Variants in DGKI observed in about 807,000 individuals in gnomAD.
DGKI encodes the protein DAG kinase iota.
Under a neutral mutation model 147.5 loss-of-function variants are expected in DGKI, and 55 were observed. The ratio of observed to expected loss-of-function variants is 0.37; its 90% CI spans 0.30 to 0.47. DGKI has a LOEUF of 0.47. DGKI is among the 20% of genes least tolerant of loss of function. The probability of loss-of-function intolerance (pLI) is 1.00; values close to 1 mark genes in which losing one functional copy is unlikely to be tolerated. For synonymous variants in DGKI, 469 were observed against 477.1 expected (o/e 0.98, Z 0.22); for missense variants, 1,007 against 1,323.8 (o/e 0.76, Z 3.71).
intron 30 of DGKI, among the ~76,000 whole-genome samples, chr7:137,401,090 G>C (rs1811740733): frequency 1.3e-5 from 2 of 152,156 alleles, no homozygotes; most frequent in Non-Finnish European, 2.9e-5. Flanking sequence ...CTGCCCAATG[G>C]GGAGCTATGC....
At chr7:137,701,416 C>A (rs1823980271) in intron 1 of DGKI, among the ~76,000 whole-genome samples, 1 of 152,024 alleles carries the variant, frequency 6.6e-6, no homozygotes, top group Admixed American at 6.6e-5. Flanking sequence ...GTAAAATTAT[C>A]TTCATTTGCA....
At chr7:137,689,867 T>G (rs988461178) in intron 2 of DGKI, 27 bp downstream of exon 2, 1 of 1,413,540 alleles carries the variant, frequency 7.1e-7, no homozygotes. Flanking sequence ...ACTGAAGTGA[T>G]GTTTAAATGA....
chr7:137,682,050 T>A (rs935446662), intron 2 of DGKI, among the ~76,000 whole-genome samples: 5 of 152,214 alleles, frequency 3.3e-5, no homozygotes, highest in Admixed American at 6.5e-5. Context: ...ACCATGATTC[T>A]ACGTGGAAAG....
chr7:137,478,817 T>C (rs1415307540), intron 23 of DGKI, among the ~76,000 whole-genome samples: 1 of 152,206 alleles, frequency 6.6e-6, no homozygotes, highest in Non-Finnish European at 1.5e-5. Context: ...TTCTCATCAC[T>C]ACACAAGAAC....
intron 1 of DGKI, among the ~76,000 whole-genome samples, chr7:137,715,614 T>A (rs760804368): frequency 2.0e-5 from 3 of 152,222 alleles, no homozygotes; most frequent in Admixed American, 6.5e-5. Context: ...AGGGCAATAC[T>A]ATGGCATATG....
In DGKI at chr7:137,410,392, G is replaced by A. The variant is rs1001433557; in HGVS notation, c.2799+1778C>T. On this transcript the variant is annotated intron_variant, in intron 29 of 32. Coordinates refer to ENST00000614521, the MANE Select transcript of DGKI (RefSeq NM_001321708.2). ...TGCACTCCAGCCTGGGTGACAGAGC[G>A]AGACTCCATCTCCAAAAACAAAAAC... Among the ~76,000 whole-genome samples the A allele has an allele frequency of 2.6e-5, 4 of 152,184 alleles. 1 individual carries two copies. The highest frequency in any genetic ancestry group is 4.1e-4 in the South Asian group (2 of 4,832).
chr7:137,744,133 T>A (rs2116721261), intron 1 of DGKI, among the ~76,000 whole-genome samples: 1 of 152,052 alleles, frequency 6.6e-6, no homozygotes, highest in South Asian at 2.1e-4. Flanking sequence ...TAAATAAGAT[T>A]AATGGACTGC....
At chr7:137,621,807 T>G (rs1346854371) in intron 7 of DGKI, among the ~76,000 whole-genome samples, 1 of 152,228 alleles carries the variant, frequency 6.6e-6, no homozygotes, top group Non-Finnish European at 1.5e-5. Context: ...TGAATCTGGA[T>G]AGACCATCGC....
intron 29 of DGKI, 142 bp downstream of exon 29, chr7:137,412,028 A>G: frequency 1.2e-6 from 1 of 802,380 alleles, no homozygotes; most frequent in Non-Finnish European, 2.1e-6. Flanking sequence ...TCAGTTCTCA[A>G]AAGAACATCC....
At chr7:137,540,030 CT>C (rs1817637359) in intron 20 of DGKI, among the ~76,000 whole-genome samples, 1 of 152,142 alleles carries the variant, frequency 6.6e-6, no homozygotes, top group Admixed American at 6.5e-5. Flanking sequence ...TATAAGACAA[CT>C]AAAACTCATT....
chr7:137,768,244 A>G (rs1796077335), intron 1 of DGKI, among the ~76,000 whole-genome samples: 1 of 152,206 alleles, frequency 6.6e-6, no homozygotes, highest in South Asian at 2.1e-4. Context: ...GATAATGTCT[A>G]CAATTGGCAA....
At chr7:137,566,467 T>C (rs909970730) in intron 19 of DGKI, among the ~76,000 whole-genome samples, 5 of 152,174 alleles carry the variant, frequency 3.3e-5, no homozygotes, top group African/African-American at 4.8e-5. Flanking sequence ...TTAGAGGTCA[T>C]AGAATGTTCA....
intron 28 of DGKI, among the ~76,000 whole-genome samples, chr7:137,422,147 T>C (rs1245053832): frequency 6.6e-6 from 1 of 152,262 alleles, no homozygotes; most frequent in Non-Finnish European, 1.5e-5. Flanking sequence ...AGATAAGTGT[T>C]AAAGCAAACT....
At chr7:137,426,916 TA>T (rs1170525565) in intron 28 of DGKI, among the ~76,000 whole-genome samples, 2 of 151,734 alleles carry the variant, frequency 1.3e-5, no homozygotes, top group Admixed American at 6.6e-5. Flanking sequence ...CTGAGTGACC[TA>T]CAAAGAGACT....
intron 14 of DGKI, among the ~76,000 whole-genome samples, chr7:137,582,698 C>T (rs1819247481): frequency 6.6e-6 from 1 of 152,000 alleles, no homozygotes; most frequent in South Asian, 2.1e-4. Context: ...TGGCTGTTAC[C>T]ACTGCAAGCT....
intron 28 of DGKI, among the ~76,000 whole-genome samples, chr7:137,437,433 A>G (rs74892806): frequency 0.014 from 2,191 of 152,338 alleles, 53 homozygotes; most frequent in African/African-American, 0.05. Context: ...CTAGGAATAT[A>G]TTTAACACAA....
rs753351308 is a variant in DGKI at position 137,599,876 on chromosome 7, C to G, written c.1197G>C (p.Trp399Cys). The change falls in exon 11 of 33, where the codon TGG becomes TGC. Residue 399 changes from tryptophan (W) to cysteine (C), a missense_variant. Transcript: ENST00000614521. ...QGTKVLQMFM[W>C]YLNPRQVFDL... ...CAAAGACTTGCCGTGGATTCAGGTACCACATGAACATCTGCAGGACTTTGG... is the reference window on the plus strand; with the variant it reads ...CAAAGACTTGCCGTGGATTCAGGTAGCACATGAACATCTGCAGGACTTTGG... 1.9e-6 allele frequency: 3 copies of G among 1,613,734 alleles called. No homozygotes were observed. The highest frequency in any genetic ancestry group is 1.7e-6 in the Non-Finnish European group (2 of 1,179,750).
At chr7:137,451,798 C>T (rs1260270764) in intron 27 of DGKI, among the ~76,000 whole-genome samples, 1 of 152,148 alleles carries the variant, frequency 6.6e-6, no homozygotes, top group Non-Finnish European at 1.5e-5. Flanking sequence ...ATATCCTTTT[C>T]ATTTCAATAA....
At chr7:137,510,757 G>A (rs916665411) in intron 21 of DGKI, among the ~76,000 whole-genome samples, 2 of 152,184 alleles carry the variant, frequency 1.3e-5, no homozygotes, top group African/African-American at 2.4e-5. Context: ...GAATTTCTGA[G>A]TTGATTAGAT....
Sources: allele counts gnomAD v4.1 joint callset (sites outside exome capture counted in the v4.1 genomes callset), GRCh38; gene constraint gnomAD v4.1.1; transcripts MANE v1.5; gene names NCBI Gene and HGNC (gene_info 2026-07-23, HGNC 2026-07-21).